KLHL1: variants seen among roughly 807,000 people sequenced by gnomAD.
KLHL1 encodes kelch-like protein 1.
In KLHL1, 47 loss-of-function variants were observed where a neutral mutation model predicts 77.7. The observed-to-expected ratio is 0.60, with a 90% CI of 0.48 to 0.77. The LOEUF (loss-of-function observed/expected upper bound fraction) is 0.77. KLHL1 is among the 30% of genes least tolerant of loss of function. The pLI is 0.00. For missense variants in KLHL1, 925 were observed against 910.8 expected (o/e 1.02, Z -0.20); for synonymous variants, 360 against 325.2 (o/e 1.11, Z -1.15).
intron 6 of KLHL1, among the ~76,000 whole-genome samples, chr13:69,813,467 T>TACAC (rs1471216477): frequency 5.9e-5 from 8 of 134,652 alleles, no homozygotes; most frequent in African/African-American, 2.3e-4. Context: ...AATACACACA[T>TACAC]ATATACACAC....
At chr13:69,708,484 G>C (rs1373973076) in intron 9 of KLHL1, among the ~76,000 whole-genome samples, 1 of 151,892 alleles carries the variant, frequency 6.6e-6, no homozygotes, top group Admixed American at 6.6e-5. Flanking sequence ...AATAGCCTTT[G>C]AAACTTGGAG....
intron 1 of KLHL1, among the ~76,000 whole-genome samples, chr13:70,047,036 C>T (rs1176081815): frequency 6.6e-6 from 1 of 151,940 alleles, no homozygotes; most frequent in African/African-American, 2.4e-5. Flanking sequence ...AATGCTTATC[C>T]TTGTATTGAG....
chr13:69,705,712 TTAAAA>T (rs1264500760), intron 10 of KLHL1, among the ~76,000 whole-genome samples: 1 of 151,712 alleles, frequency 6.6e-6, no homozygotes, highest in African/African-American at 2.4e-5. Flanking sequence ...GTTTACTGTA[TTAAAA>T]TAAAGTTGTT....
chr13:69,788,229 C>G (rs981743180), intron 7 of KLHL1, among the ~76,000 whole-genome samples: 3 of 152,220 alleles, frequency 2.0e-5, no homozygotes, highest in Non-Finnish European at 2.9e-5. Context: ...TATTGTGGCA[C>G]TATTCACAAT....
chr13:69,793,596 CT>C (rs138806597), intron 7 of KLHL1, among the ~76,000 whole-genome samples: 17,568 of 151,732 alleles, frequency 0.12, 1,204 homozygotes, highest in African/African-American at 0.19. Flanking sequence ...ACTTTAGACT[CT>C]AGCTTCTTTT....
chr13:69,941,508 G>A (rs1025052986), intron 3 of KLHL1, among the ~76,000 whole-genome samples: 8 of 151,924 alleles, frequency 5.3e-5, no homozygotes, highest in South Asian at 2.1e-4. Flanking sequence ...CAAAAAGTCC[G>A]AAAGAGCACA....
At chr13:70,068,419 A>C (rs2439685) in intron 1 of KLHL1, among the ~76,000 whole-genome samples, 4,605 of 152,318 alleles carry the variant, frequency 0.03, 196 homozygotes, top group African/African-American at 0.1. Context: ...CTGATTAATG[A>C]ATTATGATTT....
At chr13:69,713,703 AAT>A (rs1272342162) in intron 9 of KLHL1, among the ~76,000 whole-genome samples, 1 of 150,108 alleles carries the variant, frequency 6.7e-6, no homozygotes, top group Non-Finnish European at 1.5e-5. Flanking sequence ...TTGAAATGAG[AAT>A]ATTTTTTTTT....
At chr13:70,026,466 T>A (rs980937727) in intron 1 of KLHL1, among the ~76,000 whole-genome samples, 13 of 152,300 alleles carry the variant, frequency 8.5e-5, no homozygotes, top group Admixed American at 5.2e-4. Context: ...CATTTATTTA[T>A]GTATTACATA....
At position 69,780,711 on chromosome 13, in the gene KLHL1, TATATGTATATATATATATATAC is replaced by T. The variant is rs1566243657; in HGVS notation, c.1639+16005_1639+16026del. 2.6e-3 allele frequency among the ~76,000 whole-genome samples: 102 copies of T among 39,974 alleles called. 1 individual carries two copies. Among genetic ancestry groups the T allele is most frequent in the South Asian group, 3.9e-3 (5 of 1,268 alleles). The allele number at this position is 39,974 out of a possible 152,430, so 26.2% of individuals were successfully genotyped here. ...ATATATATATATATATGTATATATA[TATATGTATATATATATATATAC>T]ATATATATATACATATATATATATA... On this transcript the variant is annotated intron_variant, in intron 7 of 10. Transcript: ENST00000377844.
intron 4 of KLHL1, among the ~76,000 whole-genome samples, chr13:69,883,257 A>T (rs1236373262): frequency 6.6e-6 from 1 of 151,940 alleles, no homozygotes; most frequent in Non-Finnish European, 1.5e-5. Flanking sequence ...TTTTGGTTCA[A>T]ATTTCTTGTT....
chr13:69,954,505 GT>G (rs1883807950), intron 3 of KLHL1, among the ~76,000 whole-genome samples: 2 of 151,208 alleles, frequency 1.3e-5, no homozygotes, highest in Non-Finnish European at 3.0e-5. Flanking sequence ...CAAACAGATT[GT>G]TTAAGGAAGT....
intron 1 of KLHL1, among the ~76,000 whole-genome samples, chr13:70,011,056 G>A (rs1245113909): frequency 6.6e-6 from 1 of 152,088 alleles, no homozygotes; most frequent in East Asian, 1.9e-4. Flanking sequence ...GTTATTGACA[G>A]TATTTAAGCT....
chr13:70,061,679 C>A (rs1186300426), intron 1 of KLHL1, among the ~76,000 whole-genome samples: 2 of 152,112 alleles, frequency 1.3e-5, no homozygotes, highest in Non-Finnish European at 2.9e-5. Flanking sequence ...AAATTAGCAG[C>A]AAATATGAAG....
At chr13:69,931,322 C>A (rs2138281989) in intron 4 of KLHL1, among the ~76,000 whole-genome samples, 1 of 151,838 alleles carries the variant, frequency 6.6e-6, no homozygotes, top group Non-Finnish European at 1.5e-5. Context: ...GTTTGCTCTT[C>A]ATTATCTTTA....
intron 1 of KLHL1, among the ~76,000 whole-genome samples, chr13:70,106,085 A>C (rs1406639410): frequency 6.6e-6 from 1 of 151,372 alleles, no homozygotes; most frequent in Non-Finnish European, 1.5e-5. Context: ...ACATACACAC[A>C]CATATATACA....
intron 6 of KLHL1, among the ~76,000 whole-genome samples, chr13:69,803,700 A>C (rs1362980623): frequency 6.6e-6 from 1 of 152,178 alleles, no homozygotes; most frequent in Non-Finnish European, 1.5e-5. Flanking sequence ...GTAGAAGGGA[A>C]AATCAGAGAG....
chr13:69,927,402 A>G (rs529792486), intron 4 of KLHL1, among the ~76,000 whole-genome samples: 138 of 152,260 alleles, frequency 9.1e-4, no homozygotes, highest in Non-Finnish European at 1.6e-3. Context: ...AAATGGATAA[A>G]TCTGACAACA....
At chr13:69,747,621 G>T (rs1210920070) in intron 7 of KLHL1, among the ~76,000 whole-genome samples, 1 of 151,798 alleles carries the variant, frequency 6.6e-6, no homozygotes, top group East Asian at 1.9e-4. Flanking sequence ...ATATATAAAG[G>T]TCCTATAAGC....
Sources: allele counts gnomAD v4.1 joint callset (sites outside exome capture counted in the v4.1 genomes callset), GRCh38; gene constraint gnomAD v4.1.1; transcripts MANE v1.5; gene names NCBI Gene and HGNC (gene_info 2026-07-23, HGNC 2026-07-21).